SFSWAP: variants seen among roughly 807,000 people sequenced by gnomAD.
SFSWAP encodes the protein splicing factor, suppressor of white-apricot homolog.
A neutral mutation model predicts 100.7 loss-of-function variants in SFSWAP; 17 were observed. The ratio of observed to expected loss-of-function variants is 0.17; its 90% CI spans 0.12 to 0.25. The LOEUF (loss-of-function observed/expected upper bound fraction) is 0.25. Among genes scored for constraint, SFSWAP ranks in the 10% least tolerant of loss-of-function variants. The pLI is 1.00. For missense variants in SFSWAP, 1,005 were observed against 1,262.6 expected, an observed-to-expected ratio of 0.80 and a Z score of 3.09; for synonymous variants, 504 against 510.1, an observed-to-expected ratio of 0.99 and a Z score of 0.16.
intron 15 of SFSWAP, among the ~76,000 whole-genome samples, chr12:131,792,205 G>T (rs943622129): frequency 6.7e-6 from 1 of 150,248 alleles, no homozygotes; most frequent in Admixed American, 6.6e-5. Context: ...GTGCGCCCGT[G>T]TGTGTTCACG....
chr12:131,732,567 G>C (rs1485940063), intron 7 of SFSWAP, among the ~76,000 whole-genome samples: 4 of 152,208 alleles, frequency 2.6e-5, no homozygotes, highest in Non-Finnish European at 5.9e-5. Context: ...TGAGAAGCAG[G>C]TCTGCGGATT....
intron 13 of SFSWAP, among the ~76,000 whole-genome samples, chr12:131,776,648 C>T (rs1334433128): frequency 2.0e-5 from 3 of 152,236 alleles, no homozygotes; most frequent in Non-Finnish European, 4.4e-5. Flanking sequence ...TGCCGTCCTG[C>T]GCACACTGCC....
chr12:131,742,508 A>C (rs1313697334), intron 7 of SFSWAP, among the ~76,000 whole-genome samples: 1 of 152,180 alleles, frequency 6.6e-6, no homozygotes, highest in Non-Finnish European at 1.5e-5. Context: ...TTAAATGCCC[A>C]AAACGGATTC....
At chr12:131,763,147 T>C (rs1460858431) in intron 11 of SFSWAP, among the ~76,000 whole-genome samples, 1 of 152,226 alleles carries the variant, frequency 6.6e-6, no homozygotes, top group African/African-American at 2.4e-5. Flanking sequence ...CTTAACTGTC[T>C]ACTTCACATC....
intron 7 of SFSWAP, among the ~76,000 whole-genome samples, chr12:131,732,655 A>G (rs1437145368): frequency 6.6e-6 from 1 of 152,120 alleles, no homozygotes; most frequent in East Asian, 1.9e-4. Context: ...GTGTTGTCCC[A>G]TGGGGTTTCA....
intron 3 of SFSWAP, among the ~76,000 whole-genome samples, chr12:131,716,097 C>T (rs934286609): frequency 4.6e-5 from 7 of 152,210 alleles, no homozygotes; most frequent in African/African-American, 1.7e-4. Flanking sequence ...CACTATGGTT[C>T]TACCCATCGG....
At chr12:131,740,419 C>T (rs1880492995) in intron 7 of SFSWAP, among the ~76,000 whole-genome samples, 1 of 152,196 alleles carries the variant, frequency 6.6e-6, no homozygotes, top group Non-Finnish European at 1.5e-5. Flanking sequence ...GGAAGTCTTG[C>T]TTTACCCTTA....
intron 14 of SFSWAP, among the ~76,000 whole-genome samples, chr12:131,786,162 G>A (rs186848991): frequency 1.6e-4 from 24 of 152,298 alleles, no homozygotes; most frequent in Non-Finnish European, 2.5e-4. Context: ...CATTGACCAC[G>A]TGAAGCAGCT....
rs1459511887 is a variant in SFSWAP at position 131,711,558 on chromosome 12, T to TCTGGGGGACACCCC, written c.218+114_218+127dup. 2.1e-4 allele frequency: 184 copies of TCTGGGGGACACCCC among 890,982 alleles called. No homozygotes were observed. Among genetic ancestry groups the TCTGGGGGACACCCC allele is most frequent in the Non-Finnish European group, 2.9e-4 (167 of 573,926 alleles). 55.2% of individuals were successfully genotyped at this position (890,982 alleles called of 1,614,324 possible). On this transcript the variant is annotated intron_variant, in intron 1 of 17. Coordinates refer to ENST00000261674, the MANE Select transcript of SFSWAP (RefSeq NM_004592.4). The surrounding 1 kb of genome is among the most constrained non-coding windows in gnomAD (Gnocchi z 4.9). ...GAGAGTTTTCTGGAGCCAGCGGGGA[T>TCTGGGGGACACCCC]CTGGGGGACACCCCCTCCCCTGTCC...
intron 7 of SFSWAP, among the ~76,000 whole-genome samples, chr12:131,750,278 G>A (rs530063035): frequency 2.6e-5 from 4 of 152,354 alleles, no homozygotes; most frequent in Admixed American, 1.3e-4. Flanking sequence ...GGCTGCCTCC[G>A]AGCATGGCAG....
chr12:131,761,085 C>T (rs959067231), intron 11 of SFSWAP, among the ~76,000 whole-genome samples: 2 of 152,076 alleles, frequency 1.3e-5, no homozygotes, highest in Admixed American at 6.5e-5. Flanking sequence ...GTGAAAATAG[C>T]AGGTTATGAA....
rs74649879 is a variant in SFSWAP, at chr12:131,715,681, A to T, written c.520+728A>T. 7.4e-3 allele frequency among the ~76,000 whole-genome samples: 1,133 copies of T among 152,334 alleles called. 25 individuals carry two copies. Among genetic ancestry groups the T allele is most frequent in the East Asian group, 0.049 (253 of 5,186 alleles). On this transcript the variant is annotated intron_variant, in intron 3 of 17. Coordinates refer to ENST00000261674, the MANE Select transcript of SFSWAP (RefSeq NM_004592.4). ...CTAACATGAACCTGACACCTTAAAG[A>T]CGGGTCAGTATATTCAGGATATTCT...
intron 7 of SFSWAP, among the ~76,000 whole-genome samples, chr12:131,732,285 G>A (rs1361312363): frequency 6.6e-6 from 1 of 152,230 alleles, no homozygotes; most frequent in African/African-American, 2.4e-5. Context: ...ATGCCGGACA[G>A]TGAGGGCAAG....
rs1877387685 is a variant in SFSWAP, at chr12:131,711,870, G to A, written c.218+423G>A. 5.2e-6 allele frequency: 1 copy of A among 193,074 alleles called. No homozygotes were observed. The highest frequency in any genetic ancestry group is 1.1e-5 in the Non-Finnish European group (1 of 91,386). The allele number at this position is 193,074 out of a possible 1,614,324, so 12.0% of individuals were successfully genotyped here. A position where few individuals can be genotyped will look rare whatever the true frequency, so the allele number is the denominator to read the frequency against. On this transcript the variant is annotated intron_variant, in intron 1 of 17. Transcript: ENST00000261674. The surrounding 1 kb of genome is among the most constrained non-coding windows in gnomAD (Gnocchi z 4.9). ...CTCTCACTGCTCGGTGTACTGGGAG[G>A]GTACCCTGGGAGGCGTGCCTTTATT... is the stretch of plus-strand genomic sequence containing the variant.
At chr12:131,740,218 G>T (rs932549328) in intron 7 of SFSWAP, among the ~76,000 whole-genome samples, 6 of 152,106 alleles carry the variant, frequency 3.9e-5, no homozygotes, top group Non-Finnish European at 5.9e-5. Context: ...TGCTCTCTGA[G>T]TTTTTTCACG....
At position 131,719,478 on chromosome 12, in the gene SFSWAP, A is replaced by G; in HGVS notation, c.545A>G (p.Glu182Gly). The change falls in exon 4 of 18, where the codon GAG (glutamate) becomes GGG (glycine). Residue 182 changes from glutamate (E) to glycine (G), a missense_variant. Physicochemically the swap from Glu to Gly is moderately conservative, Grantham distance 98. Coordinates refer to ENST00000261674, the MANE Select transcript of SFSWAP (RefSeq NM_004592.4). ...QREKNEAENL[E>G]ENEEPFVAPL... is the part of the protein sequence containing the mutation. ...GAAAAAAATGAGGCCGAAAATTTAG[A>G]GGAAAATGAAGAGCCCTTCGTTGCC... The G allele has an allele frequency of 6.2e-7, 1 of 1,614,150 alleles. No homozygotes were observed. Among genetic ancestry groups the G allele is most frequent in the Non-Finnish European group, 8.5e-7 (1 of 1,180,008 alleles).
Position 131,711,573 on chromosome 12 carries a change from CT to C in SFSWAP, c.218+127del. 1 of 754,408 alleles carries C rather than the reference CT, an allele frequency of 1.3e-6. No individual in the cohort carries two copies. Among genetic ancestry groups the C allele is most frequent in the Non-Finnish European group, 2.2e-6 (1 of 460,588 alleles). The allele number at this position is 754,408 out of a possible 1,614,324, so 46.7% of individuals were successfully genotyped here. On this transcript the variant is annotated intron_variant, in intron 1 of 17. Coordinates refer to ENST00000261674, the MANE Select transcript of SFSWAP (RefSeq NM_004592.4). This position sits in a 1 kb window ranked among gnomAD's most constrained non-coding sequence, Gnocchi z 4.9. The stretch of plus-strand genomic sequence containing the variant: ...CCAGCGGGGATCTGGGGGACACCCC[CT>C]CCCCTGTCCCCACCTCCTCCTGGTG...
At chr12:131,729,177 T>C (rs951785559) in intron 7 of SFSWAP, among the ~76,000 whole-genome samples, 16 of 152,116 alleles carry the variant, frequency 1.1e-4, no homozygotes, top group Non-Finnish European at 1.0e-4. Context: ...GGGAGACACA[T>C]AGTATTGTCT....
At position 131,734,395 on chromosome 12, in the gene SFSWAP, A is replaced by G. The variant is rs1400337970; in HGVS notation, c.1081+5967A>G. 6.6e-6 allele frequency among the ~76,000 whole-genome samples: 1 copy of G among 152,260 alleles called. No individual in the cohort carries two copies. Among genetic ancestry groups the G allele is most frequent in the Non-Finnish European group, 1.5e-5 (1 of 68,040 alleles). ...AAATGAATGTGCAGGAGAAATGAGA[A>G]GAGGACTTAAGATCAAAAAGAGAGT... is the stretch of plus-strand genomic sequence containing the variant. On this transcript the variant is annotated intron_variant, in intron 7 of 17. Transcript: ENST00000261674. This position sits in a 1 kb window ranked among gnomAD's most constrained non-coding sequence, Gnocchi z 4.9.
Sources: gnomAD v4.1 joint callset for allele counts (sites outside exome capture counted in the v4.1 genomes callset) on GRCh38, gnomAD v4.1.1 for gene constraint, Gnocchi (gnomAD v3.1) non-coding constraint, MANE v1.5 for transcripts, NCBI Gene and HGNC (gene_info 2026-07-23, HGNC 2026-07-21) for gene names.